The following CRTC1 variants were observed in gnomAD, a reference collection of about 807,000 sequenced individuals.
CRTC1 encodes the protein CREB regulated transcription coactivator 1, also known as CREB-regulated transcription coactivator 1.
CRTC1 carries 18 observed loss-of-function variants against 66.1 expected under a neutral mutation model. The ratio of observed to expected loss-of-function variants is 0.27; its 90% CI spans 0.19 to 0.40. The LOEUF (loss-of-function observed/expected upper bound fraction) is 0.40. Ranked by LOEUF, CRTC1 falls within the 10% of genes least tolerant of loss-of-function variation. CRTC1 has a pLI of 1.00. For synonymous variants in CRTC1, 416 were observed against 398.8 expected, an observed-to-expected ratio of 1.04 and a Z score of -0.51; for missense variants, 669 against 887.9, an observed-to-expected ratio of 0.75 and a Z score of 3.13.
At chr19:18,708,940 T>TC (rs377490460) in intron 1 of CRTC1, among the ~76,000 whole-genome samples, 58 of 152,290 alleles carry the variant, frequency 3.8e-4, no homozygotes, top group African/African-American at 1.3e-3. Context: ...TCCCTGCCGC[T>TC]CCCTGCTGTC....
intron 1 of CRTC1, among the ~76,000 whole-genome samples, chr19:18,740,608 C>G (rs2054090587): frequency 6.6e-6 from 1 of 152,212 alleles, no homozygotes; most frequent in African/African-American, 2.4e-5. Flanking sequence ...AGGTCACCTC[C>G]CAGGAGCTGG....
intron 2 of CRTC1, among the ~76,000 whole-genome samples, chr19:18,744,910 AGAG>A (rs2054197093): frequency 6.6e-6 from 1 of 152,164 alleles, no homozygotes; most frequent in Non-Finnish European, 1.5e-5. Flanking sequence ...AGGCTTCTGG[AGAG>A]GAGACTCACT....
intron 3 of CRTC1, 88 bp downstream of exon 3, chr19:18,746,048 G>T: frequency 6.7e-7 from 1 of 1,491,836 alleles, no homozygotes; most frequent in Non-Finnish European, 9.0e-7. Flanking sequence ...TTCTGACAGG[G>T]CTGCCTGCTT....
intron 4 of CRTC1, among the ~76,000 whole-genome samples, chr19:18,749,056 G>A (rs2145757748): frequency 6.6e-6 from 1 of 152,292 alleles, no homozygotes; most frequent in Non-Finnish European, 1.5e-5. Flanking sequence ...GAGGCTTTCT[G>A]GGGACCCACT....
intron 1 of CRTC1, among the ~76,000 whole-genome samples, chr19:18,719,988 T>C (rs1600835511): frequency 6.6e-6 from 1 of 152,212 alleles, no homozygotes; most frequent in African/African-American, 2.4e-5. Flanking sequence ...CTGTTTCAAG[T>C]GGCCAGCATC....
At chr19:18,714,640 T>C (rs2053465988) in intron 1 of CRTC1, among the ~76,000 whole-genome samples, 1 of 152,214 alleles carries the variant, frequency 6.6e-6, no homozygotes, top group Admixed American at 6.5e-5. Flanking sequence ...CAAGGGCAGC[T>C]TCCCGTCCAC....
intron 8 of CRTC1, among the ~76,000 whole-genome samples, chr19:18,765,135 T>G (rs371837032): frequency 7.9e-5 from 12 of 152,280 alleles, no homozygotes; most frequent in African/African-American, 2.9e-4. Flanking sequence ...GCCAATCTTA[T>G]GCTCCAGAGA....
At chr19:18,709,126 C>A (rs1273175738) in intron 1 of CRTC1, among the ~76,000 whole-genome samples, 2 of 152,156 alleles carry the variant, frequency 1.3e-5, no homozygotes, top group African/African-American at 4.8e-5. Flanking sequence ...ATGGGAGGGG[C>A]CTTGTGGAGC....
intron 1 of CRTC1, among the ~76,000 whole-genome samples, chr19:18,700,761 C>T (rs983578086): frequency 6.6e-6 from 1 of 152,128 alleles, no homozygotes; most frequent in Non-Finnish European, 1.5e-5. Context: ...ACGGGGAGGC[C>T]GAGCGTGTCC....
intron 1 of CRTC1, among the ~76,000 whole-genome samples, chr19:18,739,668 G>A (rs1280432336): frequency 3.3e-5 from 5 of 152,306 alleles, no homozygotes; most frequent in South Asian, 4.1e-4. Context: ...GTGATGTGGC[G>A]ATGAGAAAAG....
chr19:18,715,114 G>A (rs1257269748), intron 1 of CRTC1, among the ~76,000 whole-genome samples: 1 of 152,258 alleles, frequency 6.6e-6, no homozygotes, highest in South Asian at 2.1e-4. Context: ...AGCCTCTAGG[G>A]GCGGATCCCT....
At chr19:18,688,524 C>T (rs953164915) in intron 1 of CRTC1, among the ~76,000 whole-genome samples, 2 of 151,890 alleles carry the variant, frequency 1.3e-5, no homozygotes, top group Admixed American at 6.6e-5. Context: ...CTGCAACCTC[C>T]GCCTCCTGGG....
At chr19:18,712,224 G>A (rs2053407689) in intron 1 of CRTC1, among the ~76,000 whole-genome samples, 1 of 151,712 alleles carries the variant, frequency 6.6e-6, no homozygotes. Flanking sequence ...GGAATTAGAA[G>A]CATGAGCCAC....
At chr19:18,702,202 C>T (rs1183936994) in intron 1 of CRTC1, among the ~76,000 whole-genome samples, 4 of 151,152 alleles carry the variant, frequency 2.6e-5, no homozygotes, top group South Asian at 4.2e-4. Flanking sequence ...GCATTACAGG[C>T]GTGAGCCACT....
intron 6 of CRTC1, among the ~76,000 whole-genome samples, chr19:18,754,741 C>T (rs2054446930): frequency 6.6e-6 from 1 of 152,160 alleles, no homozygotes; most frequent in East Asian, 1.9e-4. Context: ...ATGAGAGACA[C>T]TCCTGATACT....
intron 1 of CRTC1, among the ~76,000 whole-genome samples, chr19:18,734,568 C>G (rs1391232683): frequency 6.6e-6 from 1 of 152,010 alleles, no homozygotes; most frequent in African/African-American, 2.4e-5. Context: ...CCACTACTCC[C>G]AGCTACTTAG....
At chr19:18,744,509 CACAT>C (rs1018524602) in intron 2 of CRTC1, among the ~76,000 whole-genome samples, 23 of 152,206 alleles carry the variant, frequency 1.5e-4, no homozygotes, top group African/African-American at 2.6e-4. Context: ...CACACACACA[CACAT>C]ACACACACGT....
At chr19:18,708,507 G>A (rs1276160401) in intron 1 of CRTC1, among the ~76,000 whole-genome samples, 3 of 152,196 alleles carry the variant, frequency 2.0e-5, no homozygotes, top group Non-Finnish European at 2.9e-5. Context: ...AATTGGGCAC[G>A]TTGGCTGGGG....
At chr19:18,729,277 T>C (rs1419061548) in intron 1 of CRTC1, among the ~76,000 whole-genome samples, 1 of 150,556 alleles carries the variant, frequency 6.6e-6, no homozygotes, top group African/African-American at 2.4e-5. Flanking sequence ...TACAAAAAAA[T>C]TAGCCGGGCG....
Sources: allele counts gnomAD v4.1 joint callset (sites outside exome capture counted in the v4.1 genomes callset), GRCh38; gene constraint gnomAD v4.1.1; transcripts MANE v1.5; gene names NCBI Gene and HGNC (gene_info 2026-07-23, HGNC 2026-07-21).